ABCB4: variants seen among roughly 807,000 people sequenced by gnomAD.
The protein encoded by ABCB4 is ATP binding cassette subfamily B member 4.
ABCB4 carries 76 observed loss-of-function variants against 145.7 expected under a neutral mutation model. The observed-to-expected ratio is 0.52, with a 90% CI of 0.43 to 0.63. The LOEUF is 0.63. ABCB4 is among the 30% of genes least tolerant of loss of function. The pLI is 0.00. For missense variants in ABCB4, 1,234 were observed against 1,553.1 expected, an observed-to-expected ratio of 0.79 and a Z score of 3.45; for synonymous variants, 517 against 566.8, an observed-to-expected ratio of 0.91 and a Z score of 1.25.
the ABCB4 span, among the ~76,000 whole-genome samples, chr7:87,376,273 G>A: frequency 6.6e-6 from 1 of 152,032 alleles, no homozygotes; most frequent in African/African-American, 2.4e-5. Context: ...AGGTTAATGA[G>A]CTTTTCTTGC....
chr7:87,424,129 G>C, intron 16 of ABCB4, 77 bp from the exon 17 acceptor site: 1 of 1,595,792 alleles, frequency 6.3e-7, no homozygotes, highest in Non-Finnish European at 8.6e-7. Flanking sequence ...AAAAGGCATG[G>C]CCATTGCCCT....
intron 16 of ABCB4, 146 bp from the exon 17 acceptor site, chr7:87,424,198 G>C (rs1809651781): frequency 1.1e-6 from 1 of 936,772 alleles, no homozygotes; most frequent in Admixed American, 1.7e-5. Context: ...GAGTAGGACA[G>C]TATATTATAA....
In ABCB4 at chr7:87,406,646, A is replaced by G. The variant is rs1373899023; in HGVS notation, c.3280-152T>C. ...CAAGACTTATACCATTGAGGCCAGC[A>G]TGGCCAACATGATGATTTTTATGGT... is the stretch of plus-strand genomic sequence containing the variant. On this transcript the variant is annotated intron_variant, in intron 25 of 27. Coordinates refer to ENST00000649586, the MANE Select transcript of ABCB4 (RefSeq NM_000443.4). The G allele has an allele frequency of 5.1e-6, 4 of 786,014 alleles. No individual in the cohort carries two copies. In the African/African-American group the frequency reaches 7.0e-5, roughly 14 times the overall value. 48.7% of individuals were successfully genotyped at this position (786,014 alleles called of 1,614,324 possible).
chr7:87,417,868 T>C (rs879767559), intron 20 of ABCB4, among the ~76,000 whole-genome samples: 1 of 152,212 alleles, frequency 6.6e-6, no homozygotes, highest in Admixed American at 6.5e-5. Flanking sequence ...TAAAGACCAT[T>C]TAATTCAAAA....
In ABCB4 at chr7:87,432,137, C is replaced by G. The variant is rs189709791; in HGVS notation, c.1732-572G>C. On this transcript the variant is annotated intron_variant, in intron 14 of 27. Coordinates refer to ENST00000649586, the MANE Select transcript of ABCB4 (RefSeq NM_000443.4). ...TAAGGCAAGTAAATCTGCTCTTTAA[C>G]AAGTGCCCTAGGTGATTTTTATGCA... Among the ~76,000 whole-genome samples the G allele has an allele frequency of 2.4e-3, 369 of 152,316 alleles. 10 individuals are homozygous for G. The highest frequency in any genetic ancestry group is 0.021 in the Admixed American group (324 of 15,294).
chr7:87,398,810 T>C (rs1317554915), downstream of ABCB4: 3 of 651,784 alleles, frequency 4.6e-6, no homozygotes, highest in African/African-American at 3.7e-5. Flanking sequence ...TCTCTAAATT[T>C]ATTCTGCCAT....
At chr7:87,447,325 C>T in intron 8 of ABCB4, 120 bp from the exon 9 acceptor site, 2 of 907,132 alleles carry the variant, frequency 2.2e-6, no homozygotes, top group Non-Finnish European at 3.4e-6. Flanking sequence ...GTAATGAACC[C>T]ATGGTGAGAC....
chr7:87,408,328 T>A, intron 24 of ABCB4, 94 bp from the exon 25 acceptor site: 1 of 1,227,482 alleles, frequency 8.1e-7, no homozygotes, highest in Non-Finnish European at 1.2e-6. Flanking sequence ...AAGACTGTAG[T>A]AGAGAAACAT....
At chr7:87,391,832 C>T in the ABCB4 span, 2 of 993,022 alleles carry the variant, frequency 2.0e-6, no homozygotes, top group Non-Finnish European at 1.5e-6. Flanking sequence ...TACTTTGAGA[C>T]ATCTTTTCTG....
intron 14 of ABCB4, 93 bp from the exon 15 acceptor site, chr7:87,431,658 T>C (rs1465293940): frequency 6.8e-7 from 1 of 1,472,084 alleles, no homozygotes; most frequent in Non-Finnish European, 9.5e-7. Context: ...ATGCTGTTTG[T>C]AGATGATTAG....
intron 14 of ABCB4, among the ~76,000 whole-genome samples, chr7:87,433,669 G>GTTTTTTTTTTTTTTTTTTTTTTT (rs752621529): frequency 8.1e-6 from 1 of 124,052 alleles, no homozygotes. Flanking sequence ...ACAAAAAATT[G>GTTTTTTTTTTTTTTTTTTTTTTT]TTGTTGTTTT....
At chr7:87,381,957 G>A in the ABCB4 span, 9 of 1,610,744 alleles carry the variant, frequency 5.6e-6, no homozygotes, top group South Asian at 1.1e-5. Flanking sequence ...GTTATTATGT[G>A]GATGAGAAAA....
chr7:87,398,764 A>G, downstream of ABCB4: 2 of 893,772 alleles, frequency 2.2e-6, no homozygotes, highest in Non-Finnish European at 3.3e-6. Flanking sequence ...ACAAGTTAAG[A>G]AAACTTGTTA....
chr7:87,440,229 G>A lies in ABCB4; in HGVS notation c.1530C>T (p.Asn510=), dbSNP rs201931174. The A allele has an allele frequency of 1.7e-5, 28 of 1,614,084 alleles. No homozygotes were observed. The highest frequency in any genetic ancestry group is 5.5e-5 in the South Asian group (5 of 91,078). Residue 510 remains asparagine, a synonymous_variant, in exon 13 of 28, where the codon AAC becomes AAT. Transcript: ENST00000649586. ...DEIKKAVKEA[N]AYEFIMKLPQ... ...GTAATTTCATGATAAACTCATAGGCGTTGGCCTCTTTGACAGCTTTCTTTA... is the reference window on the plus strand; with the variant it reads ...GTAATTTCATGATAAACTCATAGGCATTGGCCTCTTTGACAGCTTTCTTTA...
At chr7:87,366,957 G>T in the ABCB4 span, among the ~76,000 whole-genome samples, 235 of 152,204 alleles carry the variant, frequency 1.5e-3, no homozygotes, top group Non-Finnish European at 2.7e-3. Context: ...TATGCCTTTC[G>T]CTCTCCTTCT....
chr7:87,393,147 CTG>C, the ABCB4 span: 4 of 1,429,316 alleles, frequency 2.8e-6, no homozygotes, highest in African/African-American at 1.4e-5. Flanking sequence ...CTTTCCTACA[CTG>C]TGATTCTTAT....
chr7:87,369,310 A>C, the ABCB4 span: 1 of 997,360 alleles, frequency 1.0e-6, no homozygotes, highest in Admixed American at 2.1e-5. Flanking sequence ...CTTCTATTGG[A>C]TATATGCATC....
chr7:87,408,874 T>A (rs1412428028), intron 24 of ABCB4, among the ~76,000 whole-genome samples: 2 of 152,232 alleles, frequency 1.3e-5, no homozygotes, highest in Non-Finnish European at 2.9e-5. Flanking sequence ...CTGCCCTTCT[T>A]ACCAATTACA....
chr7:87,448,610 C>T (rs1458694907), intron 8 of ABCB4: 1 of 152,238 alleles, frequency 6.6e-6, no homozygotes, highest in Non-Finnish European at 1.5e-5. Context: ...ACTGTAATTA[C>T]CTTTGCTTAG....
Sources: allele counts gnomAD v4.1 joint callset (sites outside exome capture counted in the v4.1 genomes callset), GRCh38; gene constraint gnomAD v4.1.1; transcripts MANE v1.5; gene names NCBI Gene and HGNC (gene_info 2026-07-23, HGNC 2026-07-21).